Variants in CUL3 observed in about 807,000 individuals in gnomAD.
CUL3 encodes cullin-3.
Under a neutral mutation model 89.1 loss-of-function variants are expected in CUL3, and 19 were observed. The ratio of observed to expected loss-of-function variants is 0.21; its 90% confidence interval spans 0.15 to 0.31. The LOEUF is 0.31. CUL3 is among the 10% of genes least tolerant of loss of function. The pLI is 1.00. For synonymous variants in CUL3, 351 were observed against 308.4 expected (o/e 1.14, Z -1.45); for missense variants, 469 against 942.3 (o/e 0.50, Z 6.58).
chr2:224,557,787 G>A lies in CUL3; in HGVS notation c.136C>T (p.Arg46Cys), dbSNP rs745998120. ...LLKNAIQEIQ[R>C]KNNSGLSFEE... Reference sequence around the variant, plus strand: ...AAACTAAGACCACTGTTATTCTTACGCTGGATTTCTTGAATTGCATTTTTC... The same window carrying A: ...AAACTAAGACCACTGTTATTCTTACACTGGATTTCTTGAATTGCATTTTTC... The change falls in exon 2 of 16, where the codon CGT becomes TGT. Residue 46 changes from arginine (R) to cysteine (C), a missense_variant. Physicochemically the swap from Arg to Cys is radical, Grantham distance 180. Transcript: ENST00000264414. 5 of 1,581,078 alleles carry A rather than the reference G, an allele frequency of 3.2e-6. No individual in the cohort carries two copies. The highest frequency in any genetic ancestry group is 1.4e-5 in the African/African-American group (1 of 72,594).
intron 1 of CUL3, 30 bp downstream of exon 1, chr2:224,584,914 C>A: frequency 6.9e-7 from 1 of 1,447,398 alleles, no homozygotes; most frequent in South Asian, 1.2e-5. Context: ...CCCCCGGCCC[C>A]GGGGTCCCGG....
intron 3 of CUL3, among the ~76,000 whole-genome samples, chr2:224,524,343 A>G (rs1386640215): frequency 3.9e-5 from 6 of 152,152 alleles, no homozygotes; most frequent in Admixed American, 3.3e-4. Flanking sequence ...AGAGAAACAC[A>G]AAGAGCCGCA....
intron 6 of CUL3, among the ~76,000 whole-genome samples, chr2:224,510,565 T>A (rs1262630471): frequency 1.3e-5 from 2 of 152,166 alleles, no homozygotes; most frequent in African/African-American, 4.8e-5. Flanking sequence ...AAATATTGCT[T>A]AGATTTCGTC....
chr2:224,478,081 G>A (rs1691387815), intron 15 of CUL3, 119 bp downstream of exon 15: 1 of 1,002,016 alleles, frequency 1.0e-6, no homozygotes, highest in Non-Finnish European at 1.4e-6. Context: ...CATTTCATAA[G>A]TGTTACATCA....
intron 13 of CUL3, among the ~76,000 whole-genome samples, chr2:224,482,698 G>A (rs1336107049): frequency 6.6e-6 from 1 of 152,154 alleles, no homozygotes; most frequent in African/African-American, 2.4e-5. Flanking sequence ...TGAATGGTAT[G>A]AATAAAGTGT....
chr2:224,488,814 GA>G (rs2106165008), intron 13 of CUL3, among the ~76,000 whole-genome samples: 1 of 152,270 alleles, frequency 6.6e-6, no homozygotes, highest in East Asian at 1.9e-4. Flanking sequence ...AACAAAAAAA[GA>G]AAATTTCAGG....
chr2:224,489,881 T>C (rs1361376662), intron 13 of CUL3, among the ~76,000 whole-genome samples: 2 of 152,214 alleles, frequency 1.3e-5, no homozygotes, highest in Non-Finnish European at 2.9e-5. Context: ...AACGAGCTTC[T>C]GCACAGCAAG....
chr2:224,496,783 C>A (rs1001299358), intron 12 of CUL3, among the ~76,000 whole-genome samples: 2 of 152,092 alleles, frequency 1.3e-5, no homozygotes, highest in Non-Finnish European at 2.9e-5. Context: ...GTGGAACTTT[C>A]TAATTCTTCA....
At position 224,485,845 on chromosome 2, in the gene CUL3, C is replaced by A. The variant is rs1312570733; in HGVS notation, c.1843-3767G>T. Among the ~76,000 whole-genome samples the A allele has an allele frequency of 6.6e-6, 1 of 152,220 alleles. No individual in the cohort carries two copies. The highest frequency in any genetic ancestry group is 1.5e-5 in the Non-Finnish European group (1 of 68,038). ...ACCTCCCAGCAGGGGTCAACAGACA[C>A]CTCATACAGGAGAGCTCCGGCTGGC... On this transcript the variant is annotated intron_variant, in intron 13 of 15. Transcript: ENST00000264414. This position sits in a 1 kb window ranked among gnomAD's most constrained non-coding sequence, Gnocchi z 4.1.
intron 1 of CUL3, among the ~76,000 whole-genome samples, chr2:224,570,264 T>G (rs916846713): frequency 1.3e-5 from 2 of 152,204 alleles, no homozygotes; most frequent in Admixed American, 1.3e-4. Context: ...CCATCAATTA[T>G]TCCTTAAGCA....
chr2:224,551,473 G>A (rs1338842737), intron 2 of CUL3, among the ~76,000 whole-genome samples: 1 of 151,760 alleles, frequency 6.6e-6, no homozygotes, highest in African/African-American at 2.4e-5. Flanking sequence ...CCAAAGTGCT[G>A]GGATTACAGG....
intron 1 of CUL3, among the ~76,000 whole-genome samples, chr2:224,576,873 T>A (rs757847572): frequency 2.0e-5 from 3 of 152,248 alleles, no homozygotes; most frequent in African/African-American, 7.2e-5. Flanking sequence ...GAATCATATA[T>A]GAACTTCTGT....
chr2:224,495,130 A>C (rs1166752307), intron 13 of CUL3: 2 of 149,134 alleles, frequency 1.3e-5, no homozygotes, highest in Middle Eastern at 3.2e-3. Context: ...ATCATCATCA[A>C]AAAAAAAAAA....
At chr2:224,559,889 T>C (rs1318010838) in intron 1 of CUL3, among the ~76,000 whole-genome samples, 1 of 152,004 alleles carries the variant, frequency 6.6e-6, no homozygotes, top group African/African-American at 2.4e-5. Context: ...CAAGACCAGG[T>C]TGGGCAATAT....
chr2:224,551,274 C>A (rs902715855), intron 2 of CUL3, among the ~76,000 whole-genome samples: 2 of 149,160 alleles, frequency 1.3e-5, no homozygotes, highest in African/African-American at 4.9e-5. Flanking sequence ...GGTGTGATCA[C>A]GGCTCACTGC....
chr2:224,471,012 A>C lies in CUL3; in HGVS notation c.*3233T>G, dbSNP rs1485878841. The C allele has an allele frequency of 1.3e-5, 3 of 227,456 alleles. No individual in the cohort carries two copies. Among genetic ancestry groups the C allele is most frequent in the Non-Finnish European group, 2.6e-5 (3 of 114,718 alleles). The allele number at this position is 227,456 out of a possible 1,614,324, so 14.1% of individuals were successfully genotyped here. A position where few individuals can be genotyped will look rare whatever the true frequency, so the allele number is the denominator to read the frequency against. On this transcript the variant is annotated 3_prime_UTR_variant, in exon 16 of 16. Coordinates refer to ENST00000264414, the MANE Select transcript of CUL3 (RefSeq NM_003590.5). ...TCACATAAAGCCAATATGACAACTA[A>C]ATGAATGAATATACATAAAATATTC...
At chr2:224,545,887 G>A (rs1574679450) in intron 2 of CUL3, among the ~76,000 whole-genome samples, 1 of 152,248 alleles carries the variant, frequency 6.6e-6, no homozygotes, top group East Asian at 1.9e-4. Flanking sequence ...GCTACGTGTT[G>A]AAGCAAATAC....
chr2:224,534,610 C>T (rs1388060769), intron 3 of CUL3, among the ~76,000 whole-genome samples: 4 of 152,038 alleles, frequency 2.6e-5, no homozygotes, highest in Non-Finnish European at 5.9e-5. Context: ...AGGACAAGTG[C>T]TAAATACTAA....
At chr2:224,563,220 A>C (rs949614162) in intron 1 of CUL3, 3 of 470,786 alleles carry the variant, frequency 6.4e-6, no homozygotes, top group Admixed American at 2.4e-5. Context: ...TTTCTTTTAG[A>C]AAACATTATT....
Sources: gnomAD v4.1 joint callset for allele counts (sites outside exome capture counted in the v4.1 genomes callset) on GRCh38, gnomAD v4.1.1 for gene constraint, Gnocchi (gnomAD v3.1) non-coding constraint, MANE v1.5 for transcripts, NCBI Gene and HGNC (gene_info 2026-07-23, HGNC 2026-07-21) for gene names.